MTHFD1L: variants seen among roughly 807,000 people sequenced by gnomAD.
MTHFD1L encodes the protein methylenetetrahydrofolate dehydrogenase (NADP+ dependent) 1 like.
Under a neutral mutation model 119.5 loss-of-function variants are expected in MTHFD1L, and 81 were observed. The observed-to-expected ratio is 0.68, with a 90% CI of 0.57 to 0.82. MTHFD1L has a LOEUF of 0.82. Among genes scored for constraint, MTHFD1L ranks in the 40% least tolerant of loss-of-function variants. The pLI is 0.00. For missense variants in MTHFD1L, 1,125 were observed against 1,253.4 expected, an observed-to-expected ratio of 0.90 and a Z score of 1.55; for synonymous variants, 430 against 475.2, an observed-to-expected ratio of 0.90 and a Z score of 1.24.
rs760619132 is a variant in MTHFD1L, at chr6:150,900,786, C to T, written c.781-4864C>T. 4.3e-4 allele frequency among the ~76,000 whole-genome samples: 66 copies of T among 152,024 alleles called. 1 individual carries two copies. Among genetic ancestry groups the T allele is most frequent in the Admixed American group, 3.8e-3 (58 of 15,274 alleles). Reference sequence around the variant, plus strand: ...ATCCCAGCTCTTTGGGAGGCTGAGGCGGGCAGATCACGAGGTCAGGAGATC... The same window carrying T: ...ATCCCAGCTCTTTGGGAGGCTGAGGTGGGCAGATCACGAGGTCAGGAGATC... On this transcript the variant is annotated intron_variant, in intron 7 of 27. Coordinates refer to ENST00000367321, the MANE Select transcript of MTHFD1L (RefSeq NM_015440.5).
chr6:151,094,731 A>G (rs1584461319), intron 27 of MTHFD1L, among the ~76,000 whole-genome samples: 1 of 151,804 alleles, frequency 6.6e-6, no homozygotes, highest in African/African-American at 2.4e-5. Flanking sequence ...TTTAGTAGAG[A>G]CAGGGTTTCA....
intron 13 of MTHFD1L, among the ~76,000 whole-genome samples, chr6:150,943,701 A>T (rs1353320979): frequency 2.6e-5 from 4 of 152,224 alleles, no homozygotes; most frequent in African/African-American, 9.6e-5. Context: ...ACTATACAAA[A>T]GATTATTATA....
At chr6:151,056,054 C>T (rs917796938) in intron 26 of MTHFD1L, 3 of 152,142 alleles carry the variant, frequency 2.0e-5, no homozygotes, top group East Asian at 1.9e-4. Context: ...GGGAACATGT[C>T]TATTGTGCCT....
chr6:150,871,583 C>T (rs1779519906), intron 1 of MTHFD1L, among the ~76,000 whole-genome samples: 1 of 145,246 alleles, frequency 6.9e-6, no homozygotes, highest in Admixed American at 7.1e-5. Flanking sequence ...CTCGCTGGAA[C>T]CTCCGCCTCT....
Position 150,874,538 on chromosome 6 carries a change from G to A in MTHFD1L, c.228-1552G>A, listed in dbSNP as rs118101550. On this transcript the variant is annotated intron_variant, in intron 1 of 27. Transcript: ENST00000367321. ...TGGAACTTCTTCACCCCGCATTTTTGTTAGGTGCAGTGCAAGACCCTGTCG... is the reference window on the plus strand; with the variant it reads ...TGGAACTTCTTCACCCCGCATTTTTATTAGGTGCAGTGCAAGACCCTGTCG... Among the ~76,000 whole-genome samples the A allele has an allele frequency of 1.6e-3, 244 of 152,302 alleles. 2 individuals carry two copies. The highest frequency in any genetic ancestry group is 3.3e-3 in the South Asian group (16 of 4,822).
chr6:150,875,952 A>G lies in MTHFD1L; in HGVS notation c.228-138A>G, dbSNP rs536224861. 74 of 668,728 alleles carry G rather than the reference A, an allele frequency of 1.1e-4. 1 individual carries two copies. The highest frequency in any genetic ancestry group is 1.7e-4 in the Non-Finnish European group (65 of 377,352). The allele number at this position is 668,728 out of a possible 1,614,324, so 41.4% of individuals were successfully genotyped here. A position where few individuals can be genotyped will look rare whatever the true frequency, so the allele number is the denominator to read the frequency against. ...TTGTTACGCCGCCTACCCCCTCCAC[A>G]GTGTACACTTGGAGTGCGTCCTTCT... On this transcript the variant is annotated intron_variant, in intron 1 of 27. Transcript: ENST00000367321.
intron 26 of MTHFD1L, among the ~76,000 whole-genome samples, chr6:151,056,222 G>A (rs1342436356): frequency 6.6e-6 from 1 of 152,184 alleles, no homozygotes; most frequent in African/African-American, 2.4e-5. Flanking sequence ...ACTATTTTCT[G>A]AGAGATTCCC....
At chr6:151,030,046 G>A (rs1052024087) in intron 24 of MTHFD1L, among the ~76,000 whole-genome samples, 3 of 152,074 alleles carry the variant, frequency 2.0e-5, no homozygotes, top group South Asian at 2.1e-4. Flanking sequence ...CCTCCCTACC[G>A]TTCTCACTCC....
chr6:151,002,649 C>T (rs907822810), intron 20 of MTHFD1L, among the ~76,000 whole-genome samples: 3 of 152,226 alleles, frequency 2.0e-5, no homozygotes, highest in African/African-American at 7.2e-5. Flanking sequence ...GTTGACGCAA[C>T]ACATCCCAAC....
At chr6:151,073,036 T>A (rs1276885668) in intron 26 of MTHFD1L, among the ~76,000 whole-genome samples, 1 of 152,082 alleles carries the variant, frequency 6.6e-6, no homozygotes, top group Non-Finnish European at 1.5e-5. Flanking sequence ...GTGAGTCCTA[T>A]AATTGTCCTT....
At chr6:151,061,435 C>A (rs1163152240) in intron 26 of MTHFD1L, among the ~76,000 whole-genome samples, 3 of 152,164 alleles carry the variant, frequency 2.0e-5, no homozygotes, top group Admixed American at 6.5e-5. Context: ...AGAACAAAAG[C>A]AAATGTTCAG....
chr6:150,899,362 TAAAAG>T (rs1184768164), intron 7 of MTHFD1L, among the ~76,000 whole-genome samples: 2 of 152,122 alleles, frequency 1.3e-5, no homozygotes, highest in Non-Finnish European at 2.9e-5. Context: ...AGAGTAGAAA[TAAAAG>T]AAACACACCC....
intron 13 of MTHFD1L, among the ~76,000 whole-genome samples, chr6:150,943,214 G>A (rs1348386627): frequency 1.3e-5 from 2 of 152,104 alleles, no homozygotes; most frequent in Non-Finnish European, 2.9e-5. Flanking sequence ...GGCGGAGGTT[G>A]CATTGAGCTG....
chr6:150,918,562 T>A lies in MTHFD1L; in HGVS notation c.893-15T>A. 6.3e-7 allele frequency: 1 copy of A among 1,597,532 alleles called. No homozygotes were observed. Among genetic ancestry groups the A allele is most frequent in the Non-Finnish European group, 8.6e-7 (1 of 1,165,066 alleles). ...GTGTACTGAAAGTCTTTTTTTTCCC[T>A]CCAATTTTTTACAGGGAAGGTTGGG... is the stretch of plus-strand genomic sequence containing the variant. On this transcript the variant is annotated splice_polypyrimidine_tract_variant and intron_variant, in intron 8 of 27. Transcript: ENST00000367321.
chr6:151,066,654 A>G (rs1005603472), intron 26 of MTHFD1L, among the ~76,000 whole-genome samples: 1 of 150,904 alleles, frequency 6.6e-6, no homozygotes, highest in Non-Finnish European at 1.5e-5. Flanking sequence ...TGTCCCAGCT[A>G]CTCAGGAGGC....
At chr6:150,885,958 CTT>C (rs1481141508) in intron 6 of MTHFD1L, among the ~76,000 whole-genome samples, 1 of 152,004 alleles carries the variant, frequency 6.6e-6, no homozygotes, top group Non-Finnish European at 1.5e-5. Flanking sequence ...TACCTAGAAA[CTT>C]TTTCTAGTAA....
intron 26 of MTHFD1L, among the ~76,000 whole-genome samples, chr6:151,081,532 C>T (rs1039337498): frequency 1.3e-5 from 2 of 149,322 alleles, no homozygotes; most frequent in Non-Finnish European, 3.0e-5. Context: ...AATAGCCAGG[C>T]ATGGTGGCAC....
intron 5 of MTHFD1L, among the ~76,000 whole-genome samples, chr6:150,883,730 C>T (rs759248963): frequency 6.6e-6 from 1 of 152,130 alleles, no homozygotes; most frequent in African/African-American, 2.4e-5. Context: ...CAAAGGATAC[C>T]GGCCGTCTCC....
In MTHFD1L at chr6:150,882,865, A is replaced by C. The variant is rs1421496200; in HGVS notation, c.521A>C (p.Lys174Thr). The C allele has an allele frequency of 6.4e-7, 1 of 1,573,458 alleles. No homozygotes were observed. Among genetic ancestry groups the C allele is most frequent in the Non-Finnish European group, 8.6e-7 (1 of 1,168,148 alleles). The change falls in exon 5 of 28, where the codon AAA (lysine) becomes ACA (threonine). Residue 174 changes from lysine to threonine, a missense_variant. This residue lies in a region of MTHFD1L where 1,058 missense variants were observed against 1,151.2 expected (regional missense o/e 0.92). Transcript: ENST00000367321. ...AGCAACAAAGTCCTCAATGCCTTGA[A>C]ACCAGAAAAAGATGTGGATGGGTAA... ...LFSNKVLNAL[K>T]PEKDVDGVTD...
Sources: allele counts gnomAD v4.1 joint callset (sites outside exome capture counted in the v4.1 genomes callset), GRCh38; gene constraint gnomAD v4.1.1; regional missense constraint gnomAD v4.1.1; transcripts MANE v1.5; gene names NCBI Gene and HGNC (gene_info 2026-07-23, HGNC 2026-07-21).